ATP9B: variants seen among roughly 807,000 people sequenced by gnomAD.
ATP9B encodes ATPase phospholipid transporting 9B, also known as probable phospholipid-transporting ATPase IIB.
ATP9B carries 110 observed loss-of-function variants against 146.1 expected under a neutral mutation model. The ratio of observed to expected loss-of-function variants is 0.75; its 90% confidence interval spans 0.65 to 0.88. ATP9B has a LOEUF of 0.88. ATP9B is among the 40% of genes least tolerant of loss of function. The probability of loss-of-function intolerance (pLI) is 0.00; values close to 1 mark genes in which losing one functional copy is unlikely to be tolerated. For synonymous variants in ATP9B, 604 were observed against 569.7 expected, an observed-to-expected ratio of 1.06 and a Z score of -0.86; for missense variants, 1,499 against 1,496.4, an observed-to-expected ratio of 1.00 and a Z score of -0.03.
chr18:79,345,956 G>A (rs2147495632), intron 23 of ATP9B, 117 bp downstream of exon 23: 8 of 1,155,280 alleles, frequency 6.9e-6, no homozygotes, highest in African/African-American at 1.5e-5. Context: ...GTCAGCATGT[G>A]CTTAGCGTAC....
intron 15 of ATP9B, among the ~76,000 whole-genome samples, chr18:79,318,139 C>T (rs1305391764): frequency 6.6e-6 from 1 of 152,226 alleles, no homozygotes; most frequent in East Asian, 1.9e-4. Context: ...GATTCCTGTG[C>T]AAAAGGATCA....
chr18:79,081,969 G>A (rs1430489175), intron 1 of ATP9B, among the ~76,000 whole-genome samples: 1 of 152,044 alleles, frequency 6.6e-6, no homozygotes, highest in African/African-American at 2.4e-5. Flanking sequence ...GCTAGGTTGG[G>A]GAAGTTCTCC....
At chr18:79,352,593 CTG>C (rs1249165632) in intron 25 of ATP9B, 1 of 152,222 alleles carries the variant, frequency 6.6e-6, no homozygotes, top group African/African-American at 2.4e-5. Flanking sequence ...CTCAAAACCT[CTG>C]TTTCAACAGC....
chr18:79,111,443 A>G (rs1324860789), intron 3 of ATP9B, among the ~76,000 whole-genome samples: 1 of 151,872 alleles, frequency 6.6e-6, no homozygotes, highest in Non-Finnish European at 1.5e-5. Flanking sequence ...TTGATATCTA[A>G]TGCACTTCTT....
intron 26 of ATP9B, among the ~76,000 whole-genome samples, chr18:79,370,661 T>C (rs938264470): frequency 6.6e-6 from 1 of 152,220 alleles, no homozygotes; most frequent in African/African-American, 2.4e-5. Flanking sequence ...ATGTTTTTTG[T>C]ACCCATTCTG....
chr18:79,346,207 A>G (rs1294638592), intron 23 of ATP9B, among the ~76,000 whole-genome samples: 1 of 146,468 alleles, frequency 6.8e-6, no homozygotes, highest in Non-Finnish European at 1.5e-5. Flanking sequence ...CACACAGCAC[A>G]CACTCGGTCA....
rs3744834 is a variant in ATP9B, at chr18:79,378,214, G to A, written c.*831G>A. 25,037 of 152,268 alleles carry A rather than the reference G, an allele frequency of 0.16. 2,112 individuals carry two copies. Among genetic ancestry groups the A allele is most frequent in the Admixed American group, 0.2 (3,082 of 15,306 alleles). 9.4% of individuals were successfully genotyped at this position (152,268 alleles called of 1,614,324 possible). On this transcript the variant is annotated 3_prime_UTR_variant, in exon 30 of 30. Transcript: ENST00000426216. Reference sequence around the variant, plus strand: ...GCCCCACAGCCTGCCCTTTGCTGAAGATACCCTCGCTTTATACTTGCATTT... The same window carrying A: ...GCCCCACAGCCTGCCCTTTGCTGAAAATACCCTCGCTTTATACTTGCATTT...
At chr18:79,238,564 C>T (rs1271824613) in intron 11 of ATP9B, among the ~76,000 whole-genome samples, 1 of 152,156 alleles carries the variant, frequency 6.6e-6, no homozygotes, top group Non-Finnish European at 1.5e-5. Flanking sequence ...TTAAGGTGGT[C>T]ATCGCGATTC....
chr18:79,342,310 A>G lies in ATP9B; in HGVS notation c.2326A>G (p.Ile776Val), dbSNP rs764636406. 1 of 1,613,750 alleles carries G rather than the reference A, an allele frequency of 6.2e-7. No individual in the cohort carries two copies. Among genetic ancestry groups the G allele is most frequent in the African/African-American group, 1.3e-5 (1 of 74,918 alleles). The change falls in exon 20 of 30, where the codon ATT (isoleucine) becomes GTT (valine). Residue 776 changes from isoleucine (I) to valine (V), a missense_variant. By Grantham distance (29) the Ile-to-Val change is conservative (BLOSUM62 3). Transcript: ENST00000426216. ...CGATAAACTCGAGACAGCTACCTGC[A>G]TTGCCAAAAGTTCACATCTCGTGTC... ...TGDKLETATC[I>V]AKSSHLVSRT...
At chr18:79,368,826 G>A (rs1469240502) in intron 26 of ATP9B, among the ~76,000 whole-genome samples, 1 of 151,606 alleles carries the variant, frequency 6.6e-6, no homozygotes, top group Non-Finnish European at 1.5e-5. Context: ...TGGCACCCTC[G>A]TCGTTGGCAC....
At position 79,319,271 on chromosome 18, in the gene ATP9B, C is replaced by T. The variant is rs140029208; in HGVS notation, c.1774-9870C>T. Among the ~76,000 whole-genome samples the T allele has an allele frequency of 2.4e-3, 365 of 152,306 alleles. 1 individual carries two copies. Among genetic ancestry groups the T allele is most frequent in the South Asian group, 6.4e-3 (31 of 4,820 alleles). ...CTCTTGTTAAAGACACGTAAGCTGC[C>T]TTCCAGAAGTGCTTCAATAAGAAAA... On this transcript the variant is annotated intron_variant, in intron 15 of 29. Transcript: ENST00000426216.
intron 15 of ATP9B, among the ~76,000 whole-genome samples, chr18:79,327,619 C>CGTGGTTAG (rs2096760079): frequency 2.4e-5 from 3 of 126,902 alleles, no homozygotes; most frequent in Admixed American, 8.5e-5. Context: ...GCGTGCCCTC[C>CGTGGTTAG]CTGGTTAGTG....
In ATP9B at chr18:79,149,711, TA is replaced by T. The variant is rs879710186; in HGVS notation, c.727-4779del. On this transcript the variant is annotated intron_variant, in intron 6 of 29. Transcript: ENST00000426216. Reference sequence around the variant, plus strand: ...TATAAAAACTCCTAAAACTTAACAGTAAAAAAAAAAAAAATTTGAAATTAGA... The same window carrying T: ...TATAAAAACTCCTAAAACTTAACAGTAAAAAAAAAAAAATTTGAAATTAGA... Among the ~76,000 whole-genome samples, 1,000 of 135,146 alleles carry T rather than the reference TA, an allele frequency of 7.4e-3. 3 individuals carry two copies. The highest frequency in any genetic ancestry group is 0.017 in the African/African-American group (598 of 34,688). The allele number at this position is 135,146 out of a possible 152,430, so 88.7% of individuals were successfully genotyped here.
intron 11 of ATP9B, among the ~76,000 whole-genome samples, chr18:79,252,452 TG>T (rs2145058490): frequency 6.6e-6 from 1 of 152,246 alleles, no homozygotes; most frequent in East Asian, 1.9e-4. Flanking sequence ...CCCTACTCAC[TG>T]GACTGCCTTG....
At chr18:79,089,898 C>T (rs538397534) in intron 1 of ATP9B, among the ~76,000 whole-genome samples, 2 of 152,238 alleles carry the variant, frequency 1.3e-5, no homozygotes, top group African/African-American at 2.4e-5. Flanking sequence ...ATACCCATTA[C>T]CCATCCATTC....
At chr18:79,098,646 A>G (rs2075012152) in intron 2 of ATP9B, among the ~76,000 whole-genome samples, 2 of 152,364 alleles carry the variant, frequency 1.3e-5, no homozygotes, top group Admixed American at 1.3e-4. Flanking sequence ...GTATTTTCTT[A>G]TATAACCTTA....
chr18:79,216,368 G>T (rs917773546), intron 11 of ATP9B, among the ~76,000 whole-genome samples: 1 of 152,146 alleles, frequency 6.6e-6, no homozygotes, highest in Non-Finnish European at 1.5e-5. Context: ...GTGCACACTC[G>T]TGTGTCCCTC....
intron 1 of ATP9B, among the ~76,000 whole-genome samples, chr18:79,084,526 TAGAGTA>T (rs913568246): frequency 2.7e-5 from 4 of 148,702 alleles, no homozygotes; most frequent in African/African-American, 1.0e-4. Flanking sequence ...TGCTATATAA[TAGAGTA>T]AAAGTAAAAA....
intron 26 of ATP9B, among the ~76,000 whole-genome samples, chr18:79,370,763 C>T (rs545944): frequency 1.3e-5 from 2 of 152,170 alleles, no homozygotes; most frequent in Non-Finnish European, 2.9e-5. Flanking sequence ...TTGGCAGCTC[C>T]TAAAGAGAGG....
Sources: gnomAD v4.1 joint callset for allele counts (sites outside exome capture counted in the v4.1 genomes callset) on GRCh38, gnomAD v4.1.1 for gene constraint, MANE v1.5 for transcripts, NCBI Gene and HGNC (gene_info 2026-07-23, HGNC 2026-07-21) for gene names.